Variants in PTPRD observed in about 807,000 individuals in gnomAD.
PTPRD encodes the protein receptor-type tyrosine-protein phosphatase delta.
PTPRD carries 34 observed loss-of-function variants against 214.5 expected under a neutral mutation model. The ratio of observed to expected loss-of-function variants is 0.16; its 90% CI spans 0.12 to 0.21. The LOEUF (loss-of-function observed/expected upper bound fraction) is 0.21, where lower values mean the gene tolerates loss of function less well. Ranked by LOEUF, PTPRD falls within the 10% of genes least tolerant of loss-of-function variation. PTPRD has a pLI of 1.00. For missense variants in PTPRD, 2,545 were observed against 2,398.7 expected, an observed-to-expected ratio of 1.06 and a Z score of -1.27; for synonymous variants, 1,128 against 845.7, an observed-to-expected ratio of 1.33 and a Z score of -5.79.
chr9:9,696,718 A>T (rs2097381378), intron 7 of PTPRD, among the ~76,000 whole-genome samples: 1 of 152,098 alleles, frequency 6.6e-6, no homozygotes, highest in East Asian at 1.9e-4. Flanking sequence ...GGTTTCTTGT[A>T]GGCAGCATAT....
chr9:10,521,190 C>G (rs970284890), intron 2 of PTPRD, among the ~76,000 whole-genome samples: 3 of 151,978 alleles, frequency 2.0e-5, no homozygotes, highest in Non-Finnish European at 4.4e-5. Context: ...TCAACATGAA[C>G]AGTAGATTGG....
rs73641264 is a variant in PTPRD, at chr9:9,224,982, C to T, written c.-202-41619G>A. Among the ~76,000 whole-genome samples, 290 of 152,096 alleles carry T rather than the reference C, an allele frequency of 1.9e-3. 2 individuals are homozygous for T. Among genetic ancestry groups the T allele is most frequent in the African/African-American group, 6.7e-3 (279 of 41,546 alleles). ...TGACTTCCTGTTACTTTGGTGAATA[C>T]TAACTTGATCCAGTGAATTGGTTAA... is the stretch of plus-strand genomic sequence containing the variant. On this transcript the variant is annotated intron_variant, in intron 9 of 45. Coordinates refer to ENST00000381196, the MANE Select transcript of PTPRD (RefSeq NM_002839.4).
At chr9:9,147,023 G>A (rs1365927659) in intron 10 of PTPRD, among the ~76,000 whole-genome samples, 1 of 152,104 alleles carries the variant, frequency 6.6e-6, no homozygotes, top group Non-Finnish European at 1.5e-5. Context: ...TGAACCCAGT[G>A]TGTGTATATA....
rs549729909 is a variant in PTPRD at position 8,332,612 on chromosome 9, G to T, written c.5380-876C>A. ...ATTAGGTAAAACTGCTCTGACTCAC[G>T]AAGTATATCTGGGTTGAAAAGAAGA... On this transcript the variant is annotated intron_variant, in intron 43 of 45. Transcript: ENST00000381196. Among the ~76,000 whole-genome samples the T allele has an allele frequency of 3.3e-5, 5 of 151,666 alleles. No individual in the cohort carries two copies. In the East Asian group the frequency reaches 7.7e-4, roughly 23 times the overall value.
chr9:8,994,384 C>T (rs1050257773), intron 11 of PTPRD, among the ~76,000 whole-genome samples: 1 of 152,078 alleles, frequency 6.6e-6, no homozygotes, highest in Non-Finnish European at 1.5e-5. Context: ...TAGCACAATG[C>T]TTAGTAAGCA....
At chr9:9,911,187 A>T (rs1297512492) in intron 5 of PTPRD, among the ~76,000 whole-genome samples, 1 of 152,048 alleles carries the variant, frequency 6.6e-6, no homozygotes, top group Non-Finnish European at 1.5e-5. Context: ...TTGTTTGGGA[A>T]GGTAGACAGC....
intron 5 of PTPRD, among the ~76,000 whole-genome samples, chr9:9,815,470 G>C (rs2761739): frequency 1.3e-5 from 2 of 151,776 alleles, no homozygotes; most frequent in Non-Finnish European, 2.9e-5. Flanking sequence ...GATTTTTTTA[G>C]ATGACACCGA....
chr9:8,503,589 T>A (rs1429631388), intron 23 of PTPRD, among the ~76,000 whole-genome samples: 2 of 152,214 alleles, frequency 1.3e-5, no homozygotes, highest in African/African-American at 2.4e-5. Flanking sequence ...CCCATTGTGA[T>A]AAACACAGCT....
intron 7 of PTPRD, among the ~76,000 whole-genome samples, chr9:9,721,780 T>C (rs1160889682): frequency 6.6e-6 from 1 of 152,124 alleles, no homozygotes; most frequent in Non-Finnish European, 1.5e-5. Flanking sequence ...CTATGTTTGT[T>C]GGAAGGTGAA....
At chr9:8,688,564 C>CAAA (rs547442943) in intron 12 of PTPRD, among the ~76,000 whole-genome samples, 2 of 76,012 alleles carry the variant, frequency 2.6e-5, no homozygotes, top group African/African-American at 5.9e-5. Flanking sequence ...GACTCTGTCT[C>CAAA]AAAAAAAAAA....
At chr9:8,626,246 T>C (rs1013129611) in intron 14 of PTPRD, among the ~76,000 whole-genome samples, 4 of 151,920 alleles carry the variant, frequency 2.6e-5, no homozygotes, top group Admixed American at 6.6e-5. Flanking sequence ...CAATTATGTA[T>C]GAATGACTGT....
chr9:10,170,476 G>T lies in PTPRD; in HGVS notation c.-544-136686C>A, dbSNP rs376999895. Reference sequence around the variant, plus strand: ...GGAGGCCGAGGCAGGCAGATCACGAGGTCAGGAGATCGGCTCCTGGCTAAC... The same window carrying T: ...GGAGGCCGAGGCAGGCAGATCACGATGTCAGGAGATCGGCTCCTGGCTAAC... On this transcript the variant is annotated intron_variant, in intron 3 of 45. Coordinates refer to ENST00000381196, the MANE Select transcript of PTPRD (RefSeq NM_002839.4). 7.0e-3 allele frequency among the ~76,000 whole-genome samples: 1,071 copies of T among 152,218 alleles called. 12 individuals carry two copies. Among genetic ancestry groups the T allele is most frequent in the African/African-American group, 0.024 (997 of 41,540 alleles).
intron 3 of PTPRD, among the ~76,000 whole-genome samples, chr9:10,323,622 G>C (rs765754673): frequency 2.0e-5 from 3 of 151,736 alleles, no homozygotes; most frequent in Non-Finnish European, 2.9e-5. Flanking sequence ...TCAATGGAGA[G>C]AAAGGAGAGT....
intron 8 of PTPRD, among the ~76,000 whole-genome samples, chr9:9,511,971 C>G (rs954121704): frequency 2.6e-5 from 4 of 151,652 alleles, no homozygotes; most frequent in African/African-American, 9.7e-5. Flanking sequence ...GGTACATAAT[C>G]TAGGAAATAG....
chr9:9,524,531 G>A (rs987715638), intron 8 of PTPRD, among the ~76,000 whole-genome samples: 1 of 152,140 alleles, frequency 6.6e-6, no homozygotes, highest in Non-Finnish European at 1.5e-5. Flanking sequence ...ACATTTGTTA[G>A]AAATGATCTG....
rs539854327 is a variant in PTPRD at position 9,339,975 on chromosome 9, A to C, written c.-203+57474T>G. Among the ~76,000 whole-genome samples the C allele has an allele frequency of 9.3e-4, 142 of 152,318 alleles. 1 individual carries two copies. Among genetic ancestry groups the C allele is most frequent in the Middle Eastern group, 3.4e-3 (1 of 294 alleles). On this transcript the variant is annotated intron_variant, in intron 9 of 45. Transcript: ENST00000381196. ...CCTTTTATCATTCAGCAGCAAACAT[A>C]CTTTAATTGGGTAGGCTGTATGTAA...
Position 9,832,839 on chromosome 9 carries a change from C to G in PTPRD, c.-367-65988G>C, listed in dbSNP as rs553737002. Among the ~76,000 whole-genome samples the G allele has an allele frequency of 8.6e-5, 13 of 151,426 alleles. No homozygotes were observed. The South Asian group carries it at 2.5e-3, about 29-fold the overall frequency. On this transcript the variant is annotated intron_variant, in intron 5 of 45. Transcript: ENST00000381196. ...AGCAGAGCAAAAATATACAAAGACT[C>G]CTCAATGAGTTTTTGTAGGAATTCA...
intron 23 of PTPRD, among the ~76,000 whole-genome samples, chr9:8,501,381 A>C (rs1255489644): frequency 6.6e-6 from 1 of 152,168 alleles, no homozygotes; most frequent in African/African-American, 2.4e-5. Flanking sequence ...CCAATCCCTC[A>C]GTATCTCCCA....
chr9:9,378,414 A>G (rs1418585622), intron 9 of PTPRD, among the ~76,000 whole-genome samples: 1 of 152,134 alleles, frequency 6.6e-6, no homozygotes. Context: ...CAGTTTATCC[A>G]TTCACCTAGT....
Sources: gnomAD v4.1 joint callset for allele counts (sites outside exome capture counted in the v4.1 genomes callset) on GRCh38, gnomAD v4.1.1 for gene constraint, MANE v1.5 for transcripts, NCBI Gene and HGNC (gene_info 2026-07-23, HGNC 2026-07-21) for gene names.